Variants in FMO1 observed in about 807,000 individuals in gnomAD.
FMO1 encodes the protein flavin-containing monooxygenase 1.
FMO1 carries 36 observed loss-of-function variants against 45.4 expected under a neutral mutation model. That is an observed-to-expected ratio of 0.79 (90% CI 0.61 to 1.05). FMO1 has a LOEUF of 1.05. Ranked by LOEUF, FMO1 falls within the 50% of genes least tolerant of loss-of-function variation. The pLI is 0.00. For missense variants in FMO1, 615 were observed against 640.3 expected (o/e 0.96, Z 0.43); for synonymous variants, 228 against 227.2 (o/e 1.00, Z -0.03).
chr1:171,276,760 A>G (rs1036347617), intron 4 of FMO1, among the ~76,000 whole-genome samples: 1 of 152,160 alleles, frequency 6.6e-6, no homozygotes, highest in African/African-American at 2.4e-5. Flanking sequence ...TACCCTAAAC[A>G]TACACCTCTC....
chr1:171,285,534 T>C lies in FMO1; in HGVS notation c.1589T>C (p.Ile530Thr). ...GCTTTGCTTGTGGCTATTTTTCTGA[T>C]TTTCCTATAAGTAAAAGATCTCCTA... ...FLALLVAIFLIFL is the reference protein window; with the variant it reads ...FLALLVAIFLTFL The change falls in exon 9 of 9, where the codon ATT becomes ACT. Residue 530 changes from isoleucine to threonine, a missense_variant. Physicochemically the swap from Ile to Thr is moderately conservative, Grantham distance 89. Coordinates refer to ENST00000617670, the MANE Select transcript of FMO1 (RefSeq NM_001282693.2). 1 of 1,504,924 alleles carries C rather than the reference T, an allele frequency of 6.6e-7. No homozygotes were observed. Among genetic ancestry groups the C allele is most frequent in the South Asian group, 1.4e-5 (1 of 72,650 alleles). The allele number at this position is 1,504,924 out of a possible 1,614,324, so 93.2% of individuals were successfully genotyped here.
intron 3 of FMO1, among the ~76,000 whole-genome samples, chr1:171,268,450 C>T (rs774869278): frequency 7.2e-5 from 11 of 152,148 alleles, no homozygotes; most frequent in South Asian, 2.1e-4. Context: ...CACAAGAGAA[C>T]CTTGCTATGT....
chr1:171,264,349 C>T (rs1032047067), intron 2 of FMO1, among the ~76,000 whole-genome samples: 30 of 148,546 alleles, frequency 2.0e-4, no homozygotes, highest in Admixed American at 1.9e-3. Context: ...CACACACACA[C>T]ACATTTATAT....
chr1:171,265,647 A>C (rs981806011), intron 2 of FMO1, among the ~76,000 whole-genome samples: 1 of 152,224 alleles, frequency 6.6e-6, no homozygotes, highest in African/African-American at 2.4e-5. Context: ...TTTTTGCCAC[A>C]CAAATATTTT....
At chr1:171,249,641 G>A (rs867502478) in intron 1 of FMO1, among the ~76,000 whole-genome samples, 3 of 152,078 alleles carry the variant, frequency 2.0e-5, no homozygotes, top group Non-Finnish European at 4.4e-5. Context: ...TGTGCAGTCT[G>A]TGCCAACCAG....
chr1:171,275,306 C>T lies in FMO1; in HGVS notation c.322-40C>T, dbSNP rs186157319. 236 of 1,572,080 alleles carry T rather than the reference C, an allele frequency of 1.5e-4. 1 individual carries two copies. The Admixed American group carries it at 3.9e-3, about 26-fold the overall frequency. On this transcript the variant is annotated intron_variant, in intron 3 of 8. Transcript: ENST00000617670. ...ATCAACTGGCAAGTGCTTAATGGAA[C>T]ATTGACAACTGCTAATCATATCTGT... is the stretch of plus-strand genomic sequence containing the variant.
At chr1:171,249,723 GAGAC>G (rs1659797713) in intron 1 of FMO1, among the ~76,000 whole-genome samples, 1 of 152,184 alleles carries the variant, frequency 6.6e-6, no homozygotes, top group Non-Finnish European at 1.5e-5. Flanking sequence ...GTGAGAGAGA[GAGAC>G]AGAGGGAGTA....
At chr1:171,282,534 A>T in intron 7 of FMO1, 1 of 436,914 alleles carries the variant, frequency 2.3e-6, no homozygotes, top group Non-Finnish European at 3.9e-6. Context: ...AGGGTCAAAA[A>T]TATATATATT....
chr1:171,253,245 C>T (rs1659980779), intron 1 of FMO1, among the ~76,000 whole-genome samples: 2 of 152,184 alleles, frequency 1.3e-5, no homozygotes, highest in African/African-American at 4.8e-5. Flanking sequence ...ATTAAACACA[C>T]ATTTCTAGTT....
intron 1 of FMO1, among the ~76,000 whole-genome samples, chr1:171,250,539 C>A (rs1325187347): frequency 1.3e-5 from 2 of 152,150 alleles, no homozygotes; most frequent in Non-Finnish European, 2.9e-5. Context: ...GACACTCAAT[C>A]TGACTTCAGT....
At chr1:171,269,758 A>G (rs925466836) in intron 3 of FMO1, among the ~76,000 whole-genome samples, 17 of 152,208 alleles carry the variant, frequency 1.1e-4, no homozygotes, top group African/African-American at 4.1e-4. Context: ...AAATAAATTG[A>G]ATAATTCATA....
At chr1:171,274,990 A>T (rs1415416113) in intron 3 of FMO1, among the ~76,000 whole-genome samples, 4 of 152,250 alleles carry the variant, frequency 2.6e-5, no homozygotes, top group East Asian at 1.9e-4. Context: ...TGTCAAAGAA[A>T]TTTTTGTTAA....
intron 1 of FMO1, 111 bp from the exon 2 acceptor site, chr1:171,257,971 C>A: frequency 7.9e-7 from 1 of 1,258,430 alleles, no homozygotes; most frequent in Non-Finnish European, 1.1e-6. Flanking sequence ...ACAGAAGATT[C>A]AAACTGAGCA....
chr1:171,285,657 AC>A lies in FMO1; in HGVS notation c.*116del. On this transcript the variant is annotated 3_prime_UTR_variant, in exon 9 of 9. Coordinates refer to ENST00000617670, the MANE Select transcript of FMO1 (RefSeq NM_001282693.2). ...AAACTGTATTCAAATAGTAAAGGCC[AC>A]CCTCTCGCTTCCCTGGCTGGCCCCA... is the stretch of plus-strand genomic sequence containing the variant. 1.8e-6 allele frequency: 1 copy of A among 545,608 alleles called. No individual in the cohort carries two copies. 33.8% of individuals were successfully genotyped at this position (545,608 alleles called of 1,614,324 possible).
intron 8 of FMO1, among the ~76,000 whole-genome samples, chr1:171,284,025 A>G (rs28360428): frequency 1.3e-5 from 2 of 152,188 alleles, no homozygotes; most frequent in East Asian, 3.8e-4. Context: ...GATGGCCAGC[A>G]AAGTAAAGAG....
At chr1:171,271,023 TTCC>T (rs1660838540) in intron 3 of FMO1, 3 of 986,634 alleles carry the variant, frequency 3.0e-6, no homozygotes, top group Non-Finnish European at 4.7e-6. Context: ...CTTCCTCATC[TTCC>T]TCCTCTTCCT....
chr1:171,256,116 A>G (rs1250842329), intron 1 of FMO1, among the ~76,000 whole-genome samples: 2 of 151,974 alleles, frequency 1.3e-5, no homozygotes, highest in Non-Finnish European at 2.9e-5. Context: ...TACTAAAAAT[A>G]CAAAAAATTA....
chr1:171,269,272 G>C (rs898058460), intron 3 of FMO1, among the ~76,000 whole-genome samples: 11 of 152,130 alleles, frequency 7.2e-5, no homozygotes, highest in Non-Finnish European at 1.5e-4. Flanking sequence ...AGTTTGGAGG[G>C]CTCAGAAGAA....
intron 1 of FMO1, 23 bp from the exon 2 acceptor site, chr1:171,258,059 C>A (rs1259512932): frequency 6.2e-7 from 1 of 1,613,598 alleles, no homozygotes; most frequent in East Asian, 2.2e-5. Flanking sequence ...GAATAAAAAG[C>A]CTGCTTCATC....
Sources: gnomAD v4.1 joint callset for allele counts (sites outside exome capture counted in the v4.1 genomes callset) on GRCh38, gnomAD v4.1.1 for gene constraint, MANE v1.5 for transcripts, NCBI Gene and HGNC (gene_info 2026-07-23, HGNC 2026-07-21) for gene names.